The following GSR variants were observed in gnomAD, a reference collection of about 807,000 sequenced individuals.
The protein encoded by GSR is glutathione-disulfide reductase, also known as glutathione reductase, mitochondrial.
In GSR, 48 loss-of-function variants were observed where a neutral mutation model predicts 56.5. The ratio of observed to expected loss-of-function variants is 0.85; its 90% CI spans 0.67 to 1.08. The LOEUF is 1.08. Ranked by LOEUF, GSR falls within the 50% of genes least tolerant of loss-of-function variation. GSR has a pLI of 0.00. For missense variants in GSR, 694 were observed against 703.3 expected (o/e 0.99, Z 0.15); for synonymous variants, 264 against 270.8 (o/e 0.97, Z 0.25).
chr8:30,709,729 T>G, intron 3 of GSR, 85 bp downstream of exon 3: 1 of 777,962 alleles, frequency 1.3e-6, no homozygotes, highest in Non-Finnish European at 2.3e-6. Flanking sequence ...CAATTCCTCC[T>G]CCATCCCTAA....
At position 30,678,360 on chromosome 8, in the gene GSR, T is replaced by TATATA. The variant is rs1491123637; in HGVS notation, c.*1159_*1160insTATAT. ...AAAATAATATATATATATATATATA[T>TATATA]TTTTTTTTTTTTTTTTTGAGACAGG... On this transcript the variant is annotated 3_prime_UTR_variant, in exon 13 of 13. Coordinates refer to ENST00000221130, the MANE Select transcript of GSR (RefSeq NM_000637.5). 1 of 5,442 alleles carries TATATA rather than the reference T, an allele frequency of 1.8e-4. No individual in the cohort carries two copies. Among genetic ancestry groups the TATATA allele is most frequent in the African/African-American group, 2.7e-4 (1 of 3,652 alleles). 0.3% of individuals were successfully genotyped at this position (5,442 alleles called of 1,614,324 possible). A position where few individuals can be genotyped will look rare whatever the true frequency, so the allele number is the denominator to read the frequency against.
rs60532553 is a variant in GSR, at chr8:30,710,714, CAAAAAAAAAAAAAAAAAAAAA to C, written c.334-833_334-813del. Reference sequence around the variant, plus strand: ...CCTGGGCAAGAGTGAGACTCTGTCTCAAAAAAAAAAAAAAAAAAAAAAAAAAAAAAAGAAAAGAAAAAAAAG... The same window carrying C: ...CCTGGGCAAGAGTGAGACTCTGTCTCAAAAAAAAAAGAAAAGAAAAAAAAG... On this transcript the variant is annotated intron_variant, in intron 2 of 12. Coordinates refer to ENST00000221130, the MANE Select transcript of GSR (RefSeq NM_000637.5). Among the ~76,000 whole-genome samples, 13 of 51,038 alleles carry C rather than the reference CAAAAAAAAAAAAAAAAAAAAA, an allele frequency of 2.5e-4. 1 individual carries two copies. In the South Asian group the frequency reaches 6.8e-3, roughly 27 times the overall value. The allele number at this position is 51,038 out of a possible 152,430, so 33.5% of individuals were successfully genotyped here. A position where few individuals can be genotyped will look rare whatever the true frequency, so the allele number is the denominator to read the frequency against.
Position 30,680,914 on chromosome 8 carries a change from T to C in GSR, c.1409A>G (p.Lys470Arg), listed in dbSNP as rs1802930726. ...TGGATTTTTCCTTACCTTTTCTTCC[T>C]TGTTAGCACAGACCATTTTCATCAC... ...KCVMKMVCAN[K>R]EEKVVGIHMQ... The change falls in exon 12 of 13, where the codon AAG becomes AGG. Residue 470 changes from lysine to arginine, a missense_variant. By Grantham distance (26) the Lys-to-Arg change is conservative (BLOSUM62 2). Transcript: ENST00000221130. The C allele has an allele frequency of 6.2e-7, 1 of 1,613,818 alleles. No homozygotes were observed. The highest frequency in any genetic ancestry group is 8.5e-7 in the Non-Finnish European group (1 of 1,179,898).
In GSR at chr8:30,719,890, G is replaced by A. The variant is rs538061363; in HGVS notation, c.306+7640C>T. Reference sequence around the variant, plus strand: ...AAGAACTTGGTTAATCTGCAATTGCGCCTGCCAAGAACATCAACTGTGTTC... The same window carrying A: ...AAGAACTTGGTTAATCTGCAATTGCACCTGCCAAGAACATCAACTGTGTTC... On this transcript the variant is annotated intron_variant, in intron 1 of 12. Coordinates refer to ENST00000221130, the MANE Select transcript of GSR (RefSeq NM_000637.5). Among the ~76,000 whole-genome samples, 10 of 152,246 alleles carry A rather than the reference G, an allele frequency of 6.6e-5. No individual in the cohort carries two copies. The East Asian group carries it at 9.7e-4, about 15-fold the overall frequency.
chr8:30,715,329 A>G (rs1238123213), intron 1 of GSR, among the ~76,000 whole-genome samples: 1 of 151,928 alleles, frequency 6.6e-6, no homozygotes, highest in Non-Finnish European at 1.5e-5. Context: ...ATGGCTTTCT[A>G]TCTAGAGTGC....
chr8:30,700,169 A>G (rs755631979), intron 5 of GSR, 34 bp from the exon 6 acceptor site: 6 of 1,458,364 alleles, frequency 4.1e-6, no homozygotes, highest in South Asian at 1.1e-5. Context: ...ATCACACAAG[A>G]CTGCTCTTTC....
intron 1 of GSR, 139 bp downstream of exon 1, chr8:30,727,391 G>C (rs1251537140): frequency 3.6e-6 from 3 of 842,600 alleles, no homozygotes; most frequent in Admixed American, 5.0e-5. Context: ...TCCTGGCTTC[G>C]GAATGGGGAG....
chr8:30,707,519 G>A (rs1803956179), intron 4 of GSR, among the ~76,000 whole-genome samples: 1 of 152,150 alleles, frequency 6.6e-6, no homozygotes, highest in Admixed American at 6.6e-5. Flanking sequence ...AATTAGCCAG[G>A]TGTGGTGGTG....
intron 6 of GSR, among the ~76,000 whole-genome samples, chr8:30,697,835 T>C (rs1803602357): frequency 6.6e-6 from 1 of 152,148 alleles, no homozygotes; most frequent in South Asian, 2.1e-4. Context: ...ACTACCAGCA[T>C]GTGCCAACAC....
At chr8:30,700,295 C>A (rs980588749) in intron 5 of GSR, among the ~76,000 whole-genome samples, 160 bp from the exon 6 acceptor site, 2 of 152,074 alleles carry the variant, frequency 1.3e-5, no homozygotes, top group Admixed American at 6.6e-5. Flanking sequence ...CCAACCAAAT[C>A]CTCCCTGAGT....
At position 30,710,044 on chromosome 8, in the gene GSR, G is replaced by A. The variant is rs148460612; in HGVS notation, c.334-142C>T. On this transcript the variant is annotated intron_variant, in intron 2 of 12. Coordinates refer to ENST00000221130, the MANE Select transcript of GSR (RefSeq NM_000637.5). ...ATTAAAAACAAACCTAGCTGGGCAC[G>A]GCAGCTCACGTCTGTAATCCCAGCA... is the stretch of plus-strand genomic sequence containing the variant. 749 of 650,260 alleles carry A rather than the reference G, an allele frequency of 1.2e-3. 4 individuals carry two copies. The highest frequency in any genetic ancestry group is 0.01 in the African/African-American group (566 of 54,662). The allele number at this position is 650,260 out of a possible 1,614,324, so 40.3% of individuals were successfully genotyped here.
rs369210261 is a variant in GSR, at chr8:30,717,224, C to T, written c.307-5136G>A. On this transcript the variant is annotated intron_variant, in intron 1 of 12. Coordinates refer to ENST00000221130, the MANE Select transcript of GSR (RefSeq NM_000637.5). ...TGCACTCCAGCCTGGGCAACAAGAG[C>T]GAAACTCTATCTCAAAAGAAAAAGG... Among the ~76,000 whole-genome samples the T allele has an allele frequency of 2.3e-4, 33 of 146,508 alleles. 1 individual carries two copies. The South Asian group carries it at 6.4e-3, about 28-fold the overall frequency.
At chr8:30,696,281 A>G in intron 7 of GSR, 99 bp downstream of exon 7, 1 of 869,924 alleles carries the variant, frequency 1.1e-6, no homozygotes, top group Non-Finnish European at 2.0e-6. Flanking sequence ...TGACCCCCAC[A>G]CCTGCTTTGC....
At chr8:30,696,275 C>T (rs1803537975) in intron 7 of GSR, 105 bp downstream of exon 7, 2 of 839,704 alleles carry the variant, frequency 2.4e-6, no homozygotes, top group Non-Finnish European at 4.2e-6. Context: ...ACCAAATGAC[C>T]CCCACACCTG....
At position 30,680,807 on chromosome 8, in the gene GSR, C is replaced by T. The variant is rs1802926111; in HGVS notation, c.1419+97G>A. 2.8e-6 allele frequency: 3 copies of T among 1,078,922 alleles called. No homozygotes were observed. The African/African-American group carries it at 4.6e-5, about 17-fold the overall frequency. 66.8% of individuals were successfully genotyped at this position (1,078,922 alleles called of 1,614,324 possible). A position where few individuals can be genotyped will look rare whatever the true frequency, so the allele number is the denominator to read the frequency against. ...GGGCCTGTCCAGTTGAATCAGAAGGCTCAACTGCTTGGTCTCCCTCCTTTC... is the reference window on the plus strand; with the variant it reads ...GGGCCTGTCCAGTTGAATCAGAAGGTTCAACTGCTTGGTCTCCCTCCTTTC... On this transcript the variant is annotated intron_variant, in intron 12 of 12. Transcript: ENST00000221130.
chr8:30,714,128 A>C (rs1804247581), intron 1 of GSR, among the ~76,000 whole-genome samples: 1 of 151,550 alleles, frequency 6.6e-6, no homozygotes, highest in South Asian at 2.1e-4. Context: ...GTGTAAACAC[A>C]GTTTGGCTAT....
chr8:30,680,946 TG>T lies in GSR; in HGVS notation c.1376del (p.Thr459LysfsTer4). On this transcript the variant is annotated frameshift_variant, in exon 12 of 13. Transcript: ENST00000221130. LOFTEE classifies it high-confidence loss of function. ...CACAGACCATTTTCATCACACATTT[TG>T]TTTTCCTTTTGGTAACTGCGTGATA... ...PMYHAVTKRK[T>X]KCVMKMVCAN... The T allele has an allele frequency of 1.2e-6, 2 of 1,613,812 alleles. No individual in the cohort carries two copies. The highest frequency in any genetic ancestry group is 1.7e-6 in the Non-Finnish European group (2 of 1,179,748).
chr8:30,708,488 A>T (rs558748683), intron 3 of GSR, among the ~76,000 whole-genome samples: 1 of 152,266 alleles, frequency 6.6e-6, no homozygotes. Context: ...AAATTTCTTC[A>T]AAACTGTTAA....
Position 30,717,369 on chromosome 8 carries a change from G to A in GSR, c.307-5281C>T, listed in dbSNP as rs528349157. Among the ~76,000 whole-genome samples the A allele has an allele frequency of 2.6e-5, 4 of 152,324 alleles. No individual in the cohort carries two copies. In the East Asian group the frequency reaches 5.8e-4, roughly 22 times the overall value. Reference sequence around the variant, plus strand: ...TCCCAAAAGTTGGAATTACAAGCATGAGCCACCGCACTCAGCCTTCTTTCC... The same window carrying A: ...TCCCAAAAGTTGGAATTACAAGCATAAGCCACCGCACTCAGCCTTCTTTCC... On this transcript the variant is annotated intron_variant, in intron 1 of 12. Transcript: ENST00000221130.
Sources: allele counts gnomAD v4.1 joint callset (sites outside exome capture counted in the v4.1 genomes callset), GRCh38; gene constraint gnomAD v4.1.1; transcripts MANE v1.5; gene names NCBI Gene and HGNC (gene_info 2026-07-23, HGNC 2026-07-21).